The following HS3ST3B1 variants were observed in gnomAD, a reference collection of about 807,000 sequenced individuals.
HS3ST3B1 encodes heparan sulfate-glucosamine 3-sulfotransferase 3B1, also known as heparan sulfate glucosamine 3-O-sulfotransferase 3B1.
Under a neutral mutation model 21.3 loss-of-function variants are expected in HS3ST3B1, and 13 were observed. That is an observed-to-expected ratio of 0.61 (90% CI 0.40 to 0.97). The LOEUF is 0.97. Ranked by LOEUF, HS3ST3B1 falls within the 50% of genes least tolerant of loss-of-function variation. HS3ST3B1 has a pLI of 0.00. For missense variants in HS3ST3B1, 459 were observed against 554.8 expected, an observed-to-expected ratio of 0.83 and a Z score of 1.73; for synonymous variants, 234 against 254.8, an observed-to-expected ratio of 0.92 and a Z score of 0.78.
chr17:14,339,112 A>G (rs1350794456), intron 1 of HS3ST3B1, among the ~76,000 whole-genome samples: 2 of 152,070 alleles, frequency 1.3e-5, no homozygotes, highest in Non-Finnish European at 2.9e-5. Flanking sequence ...TCTATTAGTG[A>G]TATGTGCCAG....
chr17:14,318,568 G>T (rs566351554), intron 1 of HS3ST3B1, among the ~76,000 whole-genome samples: 1 of 152,200 alleles, frequency 6.6e-6, no homozygotes, highest in African/African-American at 2.4e-5. Context: ...AGTAACTGCA[G>T]TTATTGATAA....
At chr17:14,329,875 C>T (rs754215095) in intron 1 of HS3ST3B1, among the ~76,000 whole-genome samples, 3 of 152,224 alleles carry the variant, frequency 2.0e-5, no homozygotes, top group Admixed American at 6.5e-5. Flanking sequence ...CAAATGCCAA[C>T]GGAGACATAA....
chr17:14,309,108 C>T (rs1160581598), intron 1 of HS3ST3B1, among the ~76,000 whole-genome samples: 1 of 152,224 alleles, frequency 6.6e-6, no homozygotes, highest in Non-Finnish European at 1.5e-5. Flanking sequence ...CCGCTCCTTT[C>T]GGGAGCTAGG....
At chr17:14,302,100 T>A in intron 1 of HS3ST3B1, 28 bp downstream of exon 1, 1 of 1,568,432 alleles carries the variant, frequency 6.4e-7, no homozygotes, top group Non-Finnish European at 8.6e-7. Flanking sequence ...GGGCAGGGTC[T>A]CCATCGTCGA....
At chr17:14,337,345 T>TTG (rs1567643380) in intron 1 of HS3ST3B1, among the ~76,000 whole-genome samples, 2 of 151,518 alleles carry the variant, frequency 1.3e-5, no homozygotes, top group Non-Finnish European at 2.9e-5. Context: ...TTTTTTTTTT[T>TTG]GAGATGGAGT....
intron 1 of HS3ST3B1, among the ~76,000 whole-genome samples, chr17:14,331,532 G>C (rs1910011521): frequency 6.6e-6 from 1 of 152,146 alleles, no homozygotes; most frequent in Non-Finnish European, 1.5e-5. Context: ...GCTGGGCGTG[G>C]AGAAAGGAGA....
chr17:14,320,501 C>T (rs550505010), intron 1 of HS3ST3B1, among the ~76,000 whole-genome samples: 2 of 152,238 alleles, frequency 1.3e-5, no homozygotes, highest in South Asian at 4.1e-4. Context: ...AAGCCTTAAC[C>T]TCATGACATT....
chr17:14,338,318 G>T (rs1910254940), intron 1 of HS3ST3B1, among the ~76,000 whole-genome samples: 1 of 151,564 alleles, frequency 6.6e-6, no homozygotes, highest in South Asian at 2.1e-4. Context: ...TAGAGATGGG[G>T]TTTCATCATG....
At chr17:14,319,018 T>G (rs1909580155) in intron 1 of HS3ST3B1, among the ~76,000 whole-genome samples, 1 of 152,138 alleles carries the variant, frequency 6.6e-6, no homozygotes, top group Non-Finnish European at 1.5e-5. Context: ...AGCACATCAG[T>G]GAGGGCTGTG....
intron 1 of HS3ST3B1, among the ~76,000 whole-genome samples, chr17:14,307,311 A>G (rs1185008062): frequency 6.6e-6 from 1 of 152,038 alleles, no homozygotes; most frequent in Non-Finnish European, 1.5e-5. Flanking sequence ...AGCATAGACT[A>G]GTATTTGTGA....
chr17:14,316,296 TG>T (rs1219925549), intron 1 of HS3ST3B1, among the ~76,000 whole-genome samples: 1 of 152,168 alleles, frequency 6.6e-6, no homozygotes, highest in East Asian at 1.9e-4. Flanking sequence ...GGAGTTGCAG[TG>T]AATCAAGGAC....
chr17:14,338,585 G>C (rs781541449), intron 1 of HS3ST3B1, among the ~76,000 whole-genome samples: 4 of 151,672 alleles, frequency 2.6e-5, no homozygotes, highest in African/African-American at 9.8e-5. Context: ...TGAGATTACA[G>C]GTGTGTGCCA....
At chr17:14,324,065 A>ATT (rs890221096) in intron 1 of HS3ST3B1, among the ~76,000 whole-genome samples, 3 of 150,718 alleles carry the variant, frequency 2.0e-5, no homozygotes, top group African/African-American at 7.3e-5. Flanking sequence ...ACCTAGGCTG[A>ATT]TTCGTCTGCC....
At chr17:14,342,514 C>T (rs1047159665) in intron 1 of HS3ST3B1, among the ~76,000 whole-genome samples, 1 of 151,840 alleles carries the variant, frequency 6.6e-6, no homozygotes, top group African/African-American at 2.4e-5. Flanking sequence ...TATGATATGC[C>T]GTAAACTGTG....
In HS3ST3B1 at chr17:14,303,703, C is replaced by A. The variant is rs566107547; in HGVS notation, c.554+1631C>A. Among the ~76,000 whole-genome samples the A allele has an allele frequency of 6.6e-6, 1 of 152,270 alleles. No homozygotes were observed. The highest frequency in any genetic ancestry group is 2.1e-4 in the South Asian group (1 of 4,826). On this transcript the variant is annotated intron_variant, in intron 1 of 1. Transcript: ENST00000360954. The surrounding 1 kb of genome is among the most constrained non-coding windows in gnomAD (Gnocchi z 5.7). ...GCAGGCACGTGAGGGCCTCTCTAAT[C>A]GTTAGCTATTGTCACCGATTGTATT...
At chr17:14,318,449 A>G (rs1292087010) in intron 1 of HS3ST3B1, among the ~76,000 whole-genome samples, 6 of 152,192 alleles carry the variant, frequency 3.9e-5, no homozygotes, top group African/African-American at 2.4e-5. Flanking sequence ...TAAAGAAGCC[A>G]TGCTTGGCTC....
chr17:14,337,962 T>A (rs1173206530), intron 1 of HS3ST3B1, among the ~76,000 whole-genome samples: 1 of 151,716 alleles, frequency 6.6e-6, no homozygotes, highest in Non-Finnish European at 1.5e-5. Flanking sequence ...TGGTTTCCAG[T>A]CCTGCTTGCA....
At chr17:14,341,043 G>T (rs1475391031) in intron 1 of HS3ST3B1, among the ~76,000 whole-genome samples, 1 of 152,172 alleles carries the variant, frequency 6.6e-6, no homozygotes, top group Non-Finnish European at 1.5e-5. Context: ...TGGGGAGAGG[G>T]GCCCTCATAT....
At position 14,348,613 on chromosome 17, in the gene HS3ST3B1, A is replaced by T. The variant is rs1483751108; in HGVS notation, c.*2967A>T. 1 of 152,228 alleles carries T rather than the reference A, an allele frequency of 6.6e-6. No homozygotes were observed. Among genetic ancestry groups the T allele is most frequent in the African/African-American group, 2.4e-5 (1 of 41,442 alleles). 9.4% of individuals were successfully genotyped at this position (152,228 alleles called of 1,614,324 possible). ...TTAACTTTTTAGCTGCCAGAAGACA[A>T]ACCCCCTTTTCTGTTTCGGCAATTT... is the stretch of plus-strand genomic sequence containing the variant. On this transcript the variant is annotated 3_prime_UTR_variant, in exon 2 of 2. Coordinates refer to ENST00000360954, the MANE Select transcript of HS3ST3B1 (RefSeq NM_006041.3).
Sources: allele counts gnomAD v4.1 joint callset (sites outside exome capture counted in the v4.1 genomes callset), GRCh38; gene constraint gnomAD v4.1.1; non-coding constraint Gnocchi (gnomAD v3.1); transcripts MANE v1.5; gene names NCBI Gene and HGNC (gene_info 2026-07-23, HGNC 2026-07-21).